UNC5C: variants seen among roughly 807,000 people sequenced by gnomAD.
UNC5C encodes the protein unc-5 netrin receptor C, also known as netrin receptor UNC5C.
In UNC5C, 47 loss-of-function variants were observed where a neutral mutation model predicts 99.8. The observed-to-expected ratio is 0.47, with a 90% CI of 0.37 to 0.60. The LOEUF (loss-of-function observed/expected upper bound fraction) is 0.60, where lower values mean the gene tolerates loss of function less well. UNC5C is among the 20% of genes least tolerant of loss of function. UNC5C has a pLI of 0.00. For synonymous variants in UNC5C, 487 were observed against 452.2 expected (o/e 1.08, Z -0.98); for missense variants, 1,062 against 1,165.9 (o/e 0.91, Z 1.30).
chr4:95,315,053 A>G (rs1248648045), intron 2 of UNC5C, among the ~76,000 whole-genome samples: 1 of 152,204 alleles, frequency 6.6e-6, no homozygotes, highest in Non-Finnish European at 1.5e-5. Flanking sequence ...ATGTCAAATT[A>G]AAAATAAATT....
chr4:95,411,981 A>T (rs1000048955), intron 1 of UNC5C, among the ~76,000 whole-genome samples: 3 of 146,422 alleles, frequency 2.0e-5, no homozygotes, highest in Non-Finnish European at 4.5e-5. Flanking sequence ...ATGCTGTGGA[A>T]TGTTTTTTTT....
intron 4 of UNC5C, among the ~76,000 whole-genome samples, chr4:95,273,428 C>T (rs570823147): frequency 1.3e-5 from 2 of 152,108 alleles, no homozygotes; most frequent in African/African-American, 2.4e-5. Flanking sequence ...ATTTCTGGCT[C>T]TCCATGTGAC....
At chr4:95,396,238 C>T (rs1229620857) in intron 1 of UNC5C, among the ~76,000 whole-genome samples, 1 of 152,138 alleles carries the variant, frequency 6.6e-6, no homozygotes, top group Non-Finnish European at 1.5e-5. Flanking sequence ...GGATATGTTG[C>T]TCATTAATTA....
chr4:95,419,504 T>C (rs1453463523), intron 1 of UNC5C, among the ~76,000 whole-genome samples: 1 of 152,186 alleles, frequency 6.6e-6, no homozygotes, highest in Non-Finnish European at 1.5e-5. Flanking sequence ...AAAGAGATTG[T>C]GTTCCCTCCA....
intron 1 of UNC5C, among the ~76,000 whole-genome samples, chr4:95,339,274 G>T (rs1286838738): frequency 1.3e-5 from 2 of 151,936 alleles, no homozygotes; most frequent in Non-Finnish European, 2.9e-5. Flanking sequence ...ATGTTCCCTA[G>T]TGCCCATCAA....
chr4:95,503,903 A>G (rs542941815), intron 1 of UNC5C, among the ~76,000 whole-genome samples: 92 of 152,262 alleles, frequency 6.0e-4, no homozygotes, highest in Non-Finnish European at 8.4e-4. Context: ...ATATAACAAA[A>G]CAAATTCTAG....
intron 10 of UNC5C, among the ~76,000 whole-genome samples, chr4:95,214,696 G>A (rs549438208): frequency 5.5e-4 from 84 of 152,284 alleles, no homozygotes; most frequent in African/African-American, 2.0e-3. Flanking sequence ...TCACCATAAA[G>A]CACAAGCCAA....
At chr4:95,174,132 T>C (rs1037137829) in intron 14 of UNC5C, among the ~76,000 whole-genome samples, 1 of 151,318 alleles carries the variant, frequency 6.6e-6, no homozygotes, top group Admixed American at 6.6e-5. Flanking sequence ...TCTTCTCTCT[T>C]TTTTTCTTTA....
rs185851475 is a variant in UNC5C, at chr4:95,547,496, T to C, written c.124+1238A>G. 3.1e-3 allele frequency among the ~76,000 whole-genome samples: 475 copies of C among 152,188 alleles called. 3 individuals carry two copies. Among genetic ancestry groups the C allele is most frequent in the African/African-American group, 0.011 (455 of 41,546 alleles). On this transcript the variant is annotated intron_variant, in intron 1 of 15. Transcript: ENST00000453304. ...AGTTGGGGCTATCGTAAAGCCTCCCTTTACTCTCCAAATTTGGAAGGAAGA... is the reference window on the plus strand; with the variant it reads ...AGTTGGGGCTATCGTAAAGCCTCCCCTTACTCTCCAAATTTGGAAGGAAGA...
intron 1 of UNC5C, among the ~76,000 whole-genome samples, chr4:95,350,885 GACC>G (rs1323066998): frequency 6.6e-6 from 1 of 152,082 alleles, no homozygotes; most frequent in African/African-American, 2.4e-5. Flanking sequence ...CTGTGATTGA[GACC>G]ACAATTAGTG....
rs565592772 is a variant in UNC5C at position 95,326,618 on chromosome 4, G to A, written c.346+8792C>T. 5.3e-5 allele frequency among the ~76,000 whole-genome samples: 8 copies of A among 152,118 alleles called. 1 individual carries two copies. The highest frequency in any genetic ancestry group is 1.3e-4 in the Admixed American group (2 of 15,266). ...TTTCCACTTTTCTGTTTCTTATATTGCATACATGTAAGAAATGCAACTGTG... is the reference window on the plus strand; with the variant it reads ...TTTCCACTTTTCTGTTTCTTATATTACATACATGTAAGAAATGCAACTGTG... On this transcript the variant is annotated intron_variant, in intron 2 of 15. Coordinates refer to ENST00000453304, the MANE Select transcript of UNC5C (RefSeq NM_003728.4).
At chr4:95,409,428 T>G (rs1204739423) in intron 1 of UNC5C, among the ~76,000 whole-genome samples, 1 of 152,198 alleles carries the variant, frequency 6.6e-6, no homozygotes, top group African/African-American at 2.4e-5. Context: ...AAATCCAGCA[T>G]TATCTTCAGA....
At chr4:95,223,027 G>A (rs180857159) in intron 7 of UNC5C, among the ~76,000 whole-genome samples, 65 of 152,210 alleles carry the variant, frequency 4.3e-4, no homozygotes, top group Admixed American at 1.0e-3. Context: ...ATAGAAAAAT[G>A]CAGAAATAGC....
At chr4:95,533,213 T>G (rs1467385005) in intron 1 of UNC5C, among the ~76,000 whole-genome samples, 1 of 151,882 alleles carries the variant, frequency 6.6e-6, no homozygotes, top group East Asian at 1.9e-4. Context: ...CTGACCAACA[T>G]GGTAAAACCC....
At chr4:95,213,615 C>T (rs1417952215) in intron 10 of UNC5C, among the ~76,000 whole-genome samples, 1 of 152,210 alleles carries the variant, frequency 6.6e-6, no homozygotes, top group South Asian at 2.1e-4. Context: ...TCCCTTCAGA[C>T]AATTCACATC....
chr4:95,409,897 G>C (rs925972447), intron 1 of UNC5C, among the ~76,000 whole-genome samples: 1 of 151,988 alleles, frequency 6.6e-6, no homozygotes, highest in Non-Finnish European at 1.5e-5. Flanking sequence ...CTCTATGTGC[G>C]CCTAGGGCTG....
At chr4:95,289,885 A>G (rs561088943) in intron 3 of UNC5C, among the ~76,000 whole-genome samples, 1 of 152,342 alleles carries the variant, frequency 6.6e-6, no homozygotes, top group Non-Finnish European at 1.5e-5. Context: ...CTGAAATGTT[A>G]GCTATGGTTT....
chr4:95,228,673 G>A (rs939532480), intron 7 of UNC5C, among the ~76,000 whole-genome samples: 11 of 152,320 alleles, frequency 7.2e-5, no homozygotes, highest in South Asian at 2.1e-4. Flanking sequence ...TAGTAGATTC[G>A]AATGAGGAGA....
At chr4:95,418,388 AC>A (rs1746228909) in intron 1 of UNC5C, among the ~76,000 whole-genome samples, 1 of 152,230 alleles carries the variant, frequency 6.6e-6, no homozygotes, top group African/African-American at 2.4e-5. Context: ...ATTTTTGTAA[AC>A]CAGGAGAAGT....
Sources: allele counts gnomAD v4.1 joint callset (sites outside exome capture counted in the v4.1 genomes callset), GRCh38; gene constraint gnomAD v4.1.1; transcripts MANE v1.5; gene names NCBI Gene and HGNC (gene_info 2026-07-23, HGNC 2026-07-21).